The following MGMT variants were observed in gnomAD, a reference collection of about 807,000 sequenced individuals.
MGMT encodes the protein methylated-DNA--protein-cysteine methyltransferase.
In MGMT, 14 loss-of-function variants were observed where a neutral mutation model predicts 15.9. The ratio of observed to expected loss-of-function variants is 0.88; its 90% CI spans 0.58 to 1.37. MGMT has a LOEUF of 1.37. MGMT is among the 40% of genes most tolerant of loss of function. The pLI, the probability that MGMT is intolerant of heterozygous loss-of-function variation, is 0.00. For synonymous variants in MGMT, 130 were observed against 118.2 expected (o/e 1.10, Z -0.65); for missense variants, 282 against 268.1 (o/e 1.05, Z -0.36).
intron 2 of MGMT, among the ~76,000 whole-genome samples, chr10:129,655,119 G>A (rs1847509753): frequency 6.6e-6 from 1 of 152,204 alleles, no homozygotes; most frequent in Admixed American, 6.5e-5. Context: ...CACCCACCCG[G>A]AGGTATGCAT....
chr10:129,523,279 G>C (rs894708157), intron 1 of MGMT, among the ~76,000 whole-genome samples: 1 of 152,274 alleles, frequency 6.6e-6, no homozygotes, highest in African/African-American at 2.4e-5. Context: ...CAGGCCACAC[G>C]GCCGGGGCAG....
At chr10:129,662,069 C>T (rs1211107044) in intron 2 of MGMT, among the ~76,000 whole-genome samples, 2 of 152,070 alleles carry the variant, frequency 1.3e-5, no homozygotes, top group Non-Finnish European at 2.9e-5. Context: ...GACAGTTCCA[C>T]GTGTAGAGGA....
At chr10:129,565,790 C>T (rs994314631) in intron 2 of MGMT, among the ~76,000 whole-genome samples, 6 of 152,156 alleles carry the variant, frequency 3.9e-5, no homozygotes, top group African/African-American at 1.4e-4. Context: ...TCCTGGTGAT[C>T]TTGATGATCG....
In MGMT at chr10:129,693,466, G is replaced by A. The variant is rs1035115018; in HGVS notation, c.126-14429G>A. Among the ~76,000 whole-genome samples, 5 of 152,176 alleles carry A rather than the reference G, an allele frequency of 3.3e-5. 1 individual carries two copies. Among genetic ancestry groups the A allele is most frequent in the Admixed American group, 3.3e-4 (5 of 15,282 alleles). ...GCTAAGAAGGGTTCAGCGTTGGCCG[G>A]AAGCATAACTCTAGCTCTCCAAGGC... On this transcript the variant is annotated intron_variant, in intron 2 of 4. Coordinates refer to ENST00000651593, the MANE Select transcript of MGMT (RefSeq NM_002412.5).
At chr10:129,557,492 G>A (rs1433999038) in intron 2 of MGMT, among the ~76,000 whole-genome samples, 1 of 152,182 alleles carries the variant, frequency 6.6e-6, no homozygotes, top group Non-Finnish European at 1.5e-5. Context: ...GAAGTAAATT[G>A]TAATTGTCCT....
intron 4 of MGMT, among the ~76,000 whole-genome samples, chr10:129,762,512 T>C (rs1337369453): frequency 1.3e-5 from 2 of 152,158 alleles, no homozygotes; most frequent in African/African-American, 4.8e-5. Context: ...TTGGTCAGCA[T>C]TCCTGGAAGG....
intron 2 of MGMT, among the ~76,000 whole-genome samples, chr10:129,673,240 A>G (rs766059388): frequency 2.0e-5 from 3 of 152,146 alleles, no homozygotes; most frequent in Non-Finnish European, 4.4e-5. Flanking sequence ...CTGCTCTTAG[A>G]ATATGACCCA....
intron 3 of MGMT, among the ~76,000 whole-genome samples, chr10:129,717,025 T>G (rs995519525): frequency 2.0e-5 from 3 of 152,252 alleles, no homozygotes; most frequent in African/African-American, 4.8e-5. Context: ...TCCGAATCAC[T>G]TTGTGCATTT....
chr10:129,561,676 A>G (rs1425593947), intron 2 of MGMT, among the ~76,000 whole-genome samples: 1 of 152,190 alleles, frequency 6.6e-6, no homozygotes, highest in East Asian at 1.9e-4. Context: ...TTACCGAGAC[A>G]CAGTTTATTG....
At chr10:129,468,186 C>G (rs1484688827) in intron 1 of MGMT, among the ~76,000 whole-genome samples, 2 of 152,168 alleles carry the variant, frequency 1.3e-5, no homozygotes, top group African/African-American at 2.4e-5. Context: ...CGTCATCTCC[C>G]CCATCCCTGG....
chr10:129,694,481 G>GA (rs1409567928), intron 2 of MGMT, among the ~76,000 whole-genome samples: 2 of 152,120 alleles, frequency 1.3e-5, no homozygotes, highest in Non-Finnish European at 2.9e-5. Context: ...TGAAGAGGAG[G>GA]AAAAAGGCAT....
chr10:129,706,622 A>T (rs985918231), intron 2 of MGMT, among the ~76,000 whole-genome samples: 1 of 152,132 alleles, frequency 6.6e-6, no homozygotes, highest in African/African-American at 2.4e-5. Context: ...TGGGGCCTCG[A>T]GAGGCAGGGA....
chr10:129,468,753 T>C (rs192678563), intron 1 of MGMT, among the ~76,000 whole-genome samples: 1 of 152,072 alleles, frequency 6.6e-6, no homozygotes, highest in Non-Finnish European at 1.5e-5. Context: ...GGCGTGGTGG[T>C]GCATGCTGGT....
At chr10:129,650,535 C>T (rs1487627760) in intron 2 of MGMT, among the ~76,000 whole-genome samples, 2 of 152,182 alleles carry the variant, frequency 1.3e-5, no homozygotes, top group African/African-American at 4.8e-5. Context: ...ACGGAGAAAA[C>T]CCTCACCATT....
In MGMT at chr10:129,532,898, AG is replaced by A. The variant is rs1845948073; in HGVS notation, c.-12-3342del. ...GGCACTCCCCAGTCCGAATGTCTGC[AG>A]TGCAGCTTCAGGCGCTGATGTGGGC... On this transcript the variant is annotated intron_variant, in intron 1 of 4. Coordinates refer to ENST00000651593, the MANE Select transcript of MGMT (RefSeq NM_002412.5). This position sits in a 1 kb window ranked among gnomAD's most constrained non-coding sequence, Gnocchi z 5.3. Among the ~76,000 whole-genome samples, 1 of 152,196 alleles carries A rather than the reference AG, an allele frequency of 6.6e-6. No homozygotes were observed. The highest frequency in any genetic ancestry group is 2.4e-5 in the African/African-American group (1 of 41,468).
intron 2 of MGMT, among the ~76,000 whole-genome samples, chr10:129,608,380 C>A (rs1286432509): frequency 3.3e-5 from 5 of 152,202 alleles, no homozygotes; most frequent in Admixed American, 2.6e-4. Context: ...GCAGCTGCGT[C>A]GGTGGGGCCA....
chr10:129,550,140 G>A (rs749779128), intron 2 of MGMT, among the ~76,000 whole-genome samples: 1 of 152,206 alleles, frequency 6.6e-6, no homozygotes, highest in Non-Finnish European at 1.5e-5. Context: ...TCTGCCATTT[G>A]TGAACGTACA....
At chr10:129,516,839 A>T (rs369853601) in intron 1 of MGMT, among the ~76,000 whole-genome samples, 12 of 152,180 alleles carry the variant, frequency 7.9e-5, no homozygotes, top group African/African-American at 2.9e-4. Flanking sequence ...TCGTTAGCTT[A>T]TGGGTCGCTA....
At chr10:129,520,079 A>G (rs1170162496) in intron 1 of MGMT, among the ~76,000 whole-genome samples, 2 of 152,228 alleles carry the variant, frequency 1.3e-5, no homozygotes. Flanking sequence ...GTAGTGCCAC[A>G]GGCAGTGCAG....
Sources: allele counts gnomAD v4.1 joint callset (sites outside exome capture counted in the v4.1 genomes callset), GRCh38; gene constraint gnomAD v4.1.1; non-coding constraint Gnocchi (gnomAD v3.1); transcripts MANE v1.5; gene names NCBI Gene and HGNC (gene_info 2026-07-23, HGNC 2026-07-21).